PRKCB: variants seen among roughly 807,000 people sequenced by gnomAD.
PRKCB encodes the protein protein kinase C beta type.
Under a neutral mutation model 81.5 loss-of-function variants are expected in PRKCB, and 13 were observed. The ratio of observed to expected loss-of-function variants is 0.16; its 90% CI spans 0.10 to 0.25. The LOEUF is 0.25. Ranked by LOEUF, PRKCB falls within the 10% of genes least tolerant of loss-of-function variation. The pLI is 1.00. For missense variants in PRKCB, 509 were observed against 875.7 expected, an observed-to-expected ratio of 0.58 and a Z score of 5.29; for synonymous variants, 335 against 321.4, an observed-to-expected ratio of 1.04 and a Z score of -0.45.
At chr16:24,065,794 A>G (rs1018702423) in intron 5 of PRKCB, among the ~76,000 whole-genome samples, 16 of 152,180 alleles carry the variant, frequency 1.1e-4, no homozygotes, top group Admixed American at 9.2e-4. Flanking sequence ...GGATTGCTTG[A>G]GCTCAAGACT....
At chr16:23,958,369 A>G (rs1964378231) in intron 2 of PRKCB, among the ~76,000 whole-genome samples, 1 of 151,298 alleles carries the variant, frequency 6.6e-6, no homozygotes, top group Non-Finnish European at 1.5e-5. Flanking sequence ...CAGCAGTGCA[A>G]TCTCAGCTCA....
chr16:23,928,307 T>C (rs1963924118), intron 2 of PRKCB, among the ~76,000 whole-genome samples: 1 of 151,896 alleles, frequency 6.6e-6, no homozygotes, highest in East Asian at 1.9e-4. Flanking sequence ...TTTGTATTTT[T>C]AGTAGAGACA....
chr16:23,870,202 G>A (rs1962881583), intron 2 of PRKCB, among the ~76,000 whole-genome samples: 1 of 152,110 alleles, frequency 6.6e-6, no homozygotes, highest in Non-Finnish European at 1.5e-5. Context: ...GATAAATCAG[G>A]AAGATTAAAA....
At chr16:24,204,128 G>A (rs1334491996) in intron 16 of PRKCB, among the ~76,000 whole-genome samples, 1 of 152,058 alleles carries the variant, frequency 6.6e-6, no homozygotes, top group Non-Finnish European at 1.5e-5. Context: ...GCCCTCAGCA[G>A]TAACCACCAG....
chr16:24,092,230 ATGGATTTACCTGTT>A (rs2141900273), intron 5 of PRKCB, among the ~76,000 whole-genome samples: 1 of 152,238 alleles, frequency 6.6e-6, no homozygotes, highest in East Asian at 1.9e-4. Flanking sequence ...TTCTGTCTCT[ATGGATTTACCTGTT>A]TGGGATGTTT....
chr16:24,057,866 A>G (rs1306755666), intron 5 of PRKCB, among the ~76,000 whole-genome samples: 1 of 152,122 alleles, frequency 6.6e-6, no homozygotes, highest in East Asian at 1.9e-4. Context: ...GCCCTCTGAA[A>G]TCCACTCTTC....
intron 8 of PRKCB, among the ~76,000 whole-genome samples, chr16:24,122,468 T>TTTTTTG (rs1555498212): frequency 7.2e-6 from 1 of 138,930 alleles, no homozygotes. Context: ...TTTTTTTTTT[T>TTTTTTG]AGTGAGAGAG....
At chr16:24,139,012 C>T (rs887197752) in intron 9 of PRKCB, among the ~76,000 whole-genome samples, 1 of 151,980 alleles carries the variant, frequency 6.6e-6, no homozygotes, top group Non-Finnish European at 1.5e-5. Context: ...CCACTATGCC[C>T]GGCTAAATTT....
At chr16:24,136,135 C>T (rs1309613865) in intron 9 of PRKCB, among the ~76,000 whole-genome samples, 2 of 150,834 alleles carry the variant, frequency 1.3e-5, no homozygotes, top group South Asian at 2.1e-4. Context: ...TTCCCAGATC[C>T]TCGTGAGGCC....
In PRKCB at chr16:23,906,556, A is replaced by G. The variant is rs568831421; in HGVS notation, c.205+69150A>G. Among the ~76,000 whole-genome samples, 3 of 152,276 alleles carry G rather than the reference A, an allele frequency of 2.0e-5. No individual in the cohort carries two copies. The South Asian group carries it at 6.2e-4, about 32-fold the overall frequency. ...ATGAGTCTTTTCTTCCACATATTCTACATTTTGTGTCTTGCTTAGAAAGGC... is the reference window on the plus strand; with the variant it reads ...ATGAGTCTTTTCTTCCACATATTCTGCATTTTGTGTCTTGCTTAGAAAGGC... On this transcript the variant is annotated intron_variant, in intron 2 of 16. Transcript: ENST00000643927.
At chr16:24,110,814 C>T (rs140036135) in intron 7 of PRKCB, among the ~76,000 whole-genome samples, 1 of 152,076 alleles carries the variant, frequency 6.6e-6, no homozygotes, top group African/African-American at 2.4e-5. Flanking sequence ...GCCACCACGA[C>T]GACCTGTTTA....
At chr16:24,112,892 G>A in intron 7 of PRKCB, 81 bp from the exon 8 acceptor site, 1 of 978,514 alleles carries the variant, frequency 1.0e-6, no homozygotes, top group Non-Finnish European at 1.6e-6. Context: ...GCTTTATATA[G>A]GCCTCCTTTT....
intron 16 of PRKCB, among the ~76,000 whole-genome samples, chr16:24,198,716 A>G (rs998483942): frequency 6.6e-6 from 1 of 152,154 alleles, no homozygotes; most frequent in Non-Finnish European, 1.5e-5. Flanking sequence ...TTCTTTTAAA[A>G]TATTATCAAT....
intron 13 of PRKCB, among the ~76,000 whole-genome samples, chr16:24,184,084 T>G (rs971146915): frequency 6.6e-6 from 1 of 152,186 alleles, no homozygotes; most frequent in Admixed American, 6.5e-5. Context: ...TAAGATAGAT[T>G]TTGGTATATC....
intron 2 of PRKCB, among the ~76,000 whole-genome samples, chr16:23,961,097 T>A (rs1019067800): frequency 5.3e-5 from 8 of 152,182 alleles, no homozygotes. Flanking sequence ...TTTTAAGAAA[T>A]GAGGTCTCAT....
intron 2 of PRKCB, among the ~76,000 whole-genome samples, chr16:23,967,429 A>G (rs1339037630): frequency 6.6e-6 from 1 of 152,204 alleles, no homozygotes; most frequent in Non-Finnish European, 1.5e-5. Context: ...CTTTGAAGCC[A>G]GAAAATTAAT....
intron 2 of PRKCB, among the ~76,000 whole-genome samples, chr16:23,900,629 CT>C (rs1029304071): frequency 1.3e-3 from 193 of 147,396 alleles, no homozygotes; most frequent in African/African-American, 4.2e-3. Flanking sequence ...TCCTTGTTGC[CT>C]TTTTTTTTCC....
At chr16:24,098,908 GT>G (rs1966472287) in intron 7 of PRKCB, 1 of 152,108 alleles carries the variant, frequency 6.6e-6, no homozygotes, top group Admixed American at 6.5e-5. Context: ...CATCTTTTTG[GT>G]TTTCTTTTTC....
intron 2 of PRKCB, among the ~76,000 whole-genome samples, chr16:23,863,255 T>TACACACACACACAC (rs57495485): frequency 6.0e-5 from 8 of 132,824 alleles, no homozygotes; most frequent in African/African-American, 1.7e-4. Flanking sequence ...TATATACACA[T>TACACACACACACAC]ACACACACAC....
Sources: allele counts gnomAD v4.1 joint callset (sites outside exome capture counted in the v4.1 genomes callset), GRCh38; gene constraint gnomAD v4.1.1; transcripts MANE v1.5; gene names NCBI Gene and HGNC (gene_info 2026-07-23, HGNC 2026-07-21).